DNAH7: variants seen among roughly 807,000 people sequenced by gnomAD.
The protein encoded by DNAH7 is dynein axonemal heavy chain 7.
In DNAH7, 397 loss-of-function variants were observed where a neutral mutation model predicts 444.6. The ratio of observed to expected loss-of-function variants is 0.89; its 90% CI spans 0.82 to 0.97. The LOEUF (loss-of-function observed/expected upper bound fraction) is 0.97. Among genes scored for constraint, DNAH7 ranks in the 50% least tolerant of loss-of-function variants. The probability of loss-of-function intolerance (pLI) is 0.00; values close to 1 mark genes in which losing one functional copy is unlikely to be tolerated. For missense variants in DNAH7, 4,902 were observed against 4,800.8 expected (o/e 1.02, Z -0.62); for synonymous variants, 1,636 against 1,624.4 (o/e 1.01, Z -0.17).
chr2:195,814,674 G>C (rs534750877), intron 51 of DNAH7, among the ~76,000 whole-genome samples: 1 of 152,282 alleles, frequency 6.6e-6, no homozygotes, highest in East Asian at 1.9e-4. Flanking sequence ...GACCAGTAGT[G>C]AAAAGCAGAG....
At position 195,926,313 on chromosome 2, in the gene DNAH7, A is replaced by G. The variant is rs546375946; in HGVS notation, c.3612+113T>C. The G allele has an allele frequency of 2.5e-4, 250 of 990,568 alleles. 1 individual carries two copies. In the East Asian group the frequency reaches 5.9e-3, roughly 23 times the overall value. 61.4% of individuals were successfully genotyped at this position (990,568 alleles called of 1,614,324 possible). A position where few individuals can be genotyped will look rare whatever the true frequency, so the allele number is the denominator to read the frequency against. Reference sequence around the variant, plus strand: ...AAATCTGTAATTTGGCTTGCAGCATAAAGTAGATTTTTAAGTGAACTGTAT... The same window carrying G: ...AAATCTGTAATTTGGCTTGCAGCATGAAGTAGATTTTTAAGTGAACTGTAT... On this transcript the variant is annotated intron_variant, in intron 22 of 64. Transcript: ENST00000312428.
intron 33 of DNAH7, among the ~76,000 whole-genome samples, chr2:195,887,026 T>C (rs184883884): frequency 4.7e-4 from 71 of 152,312 alleles, no homozygotes; most frequent in Non-Finnish European, 9.4e-4. Flanking sequence ...AGTGTGGGAC[T>C]AAGTATTACT....
In DNAH7 at chr2:196,047,516, A is replaced by C. The variant is rs1237695336; in HGVS notation, c.251-17T>G. On this transcript the variant is annotated splice_polypyrimidine_tract_variant and intron_variant, in intron 4 of 64. Coordinates refer to ENST00000312428, the MANE Select transcript of DNAH7 (RefSeq NM_018897.3). ...TGTATTCAGCTTAAATTAAAACAAAAAAAAAAGCACAATTATTCATCTAAA... is the reference window on the plus strand; with the variant it reads ...TGTATTCAGCTTAAATTAAAACAAACAAAAAAGCACAATTATTCATCTAAA... 1.3e-6 allele frequency: 2 copies of C among 1,522,418 alleles called. No individual in the cohort carries two copies. Among genetic ancestry groups the C allele is most frequent in the Non-Finnish European group, 1.8e-6 (2 of 1,132,748 alleles). The allele number at this position is 1,522,418 out of a possible 1,614,324, so 94.3% of individuals were successfully genotyped here. A position where few individuals can be genotyped will look rare whatever the true frequency, so the allele number is the denominator to read the frequency against.
intron 63 of DNAH7, among the ~76,000 whole-genome samples, chr2:195,746,426 TTA>T (rs1320730906): frequency 6.6e-6 from 1 of 152,068 alleles, no homozygotes; most frequent in Non-Finnish European, 1.5e-5. Flanking sequence ...ATTGTCAATA[TTA>T]GAGATCAACG....
chr2:195,787,098 G>A lies in DNAH7; in HGVS notation c.10790C>T (p.Pro3597Leu). Residue 3597 changes from proline (P) to leucine (L), a missense_variant, in exon 58 of 65, where the codon CCC (proline) becomes CTC (leucine). Coordinates refer to ENST00000312428, the MANE Select transcript of DNAH7 (RefSeq NM_018897.3). ...CTCATAAGGAATATTCCACCCTAGG[G>A]GTCCAAATTTCCGTCTTTCTTGTAC... ...ALVQERRKFG[P>L]LGWNIPYEFN... The A allele has an allele frequency of 1.9e-6, 3 of 1,612,092 alleles. No individual in the cohort carries two copies. In the South Asian group the frequency reaches 3.3e-5, roughly 18 times the overall value.
At chr2:195,921,656 G>T (rs1249913917) in intron 24 of DNAH7, among the ~76,000 whole-genome samples, 1 of 152,076 alleles carries the variant, frequency 6.6e-6, no homozygotes, top group Non-Finnish European at 1.5e-5. Flanking sequence ...CATTGCTCAG[G>T]TGATGGGTGC....
chr2:196,051,125 G>C (rs560058266), intron 3 of DNAH7, 62 bp downstream of exon 3: 2 of 1,470,586 alleles, frequency 1.4e-6, no homozygotes, highest in African/African-American at 1.4e-5. Flanking sequence ...TTTCAAGTTA[G>C]AAAACTAATA....
At chr2:195,809,352 T>C (rs1696853548) in intron 52 of DNAH7, among the ~76,000 whole-genome samples, 1 of 152,136 alleles carries the variant, frequency 6.6e-6, no homozygotes, top group South Asian at 2.1e-4. Flanking sequence ...CCATATAAAA[T>C]CCATAAATCT....
chr2:195,987,040 T>TA (rs769889597), intron 14 of DNAH7, 26 bp downstream of exon 14: 6 of 1,552,262 alleles, frequency 3.9e-6, no homozygotes, highest in South Asian at 2.5e-5. Context: ...TCCCAAAAAA[T>TA]AAAAAAACCA....
chr2:195,920,111 T>C (rs1033387635), intron 24 of DNAH7, among the ~76,000 whole-genome samples: 1 of 152,144 alleles, frequency 6.6e-6, no homozygotes, highest in Non-Finnish European at 1.5e-5. Flanking sequence ...CATGGATCAA[T>C]ATTGTGATAA....
At chr2:195,742,589 A>G (rs987470224) in intron 63 of DNAH7, among the ~76,000 whole-genome samples, 8 of 152,226 alleles carry the variant, frequency 5.3e-5, no homozygotes, top group African/African-American at 1.9e-4. Context: ...GAGGATATAG[A>G]TACATAGAAT....
rs57287164 is a variant in DNAH7 at position 195,884,707 on chromosome 2, T to C, written c.5641A>G (p.Ile1881Val). 1.2e-6 allele frequency: 2 copies of C among 1,614,194 alleles called. No individual in the cohort carries two copies. The highest frequency in any genetic ancestry group is 1.7e-6 in the Non-Finnish European group (2 of 1,180,014). The change falls in exon 35 of 65, where the codon ATT becomes GTT. Residue 1881 changes from isoleucine (I) to valine (V), a missense_variant. Ile to Val is a conservative substitution (Grantham distance 29, BLOSUM62 3). Transcript: ENST00000312428. ...KILRELMESP[I>V]SDRTRNTFKL... Reference sequence around the variant, plus strand: ...AACGTATTTCGAGTTCGATCTGAAATTGGACTTTCCATTAGTTCTCGAAGA... The same window carrying C: ...AACGTATTTCGAGTTCGATCTGAAACTGGACTTTCCATTAGTTCTCGAAGA...
At chr2:196,056,733 C>T (rs1316856294) in intron 2 of DNAH7, among the ~76,000 whole-genome samples, 1 of 152,180 alleles carries the variant, frequency 6.6e-6, no homozygotes, top group Non-Finnish European at 1.5e-5. Context: ...GTGGCCTTTC[C>T]TTCTTCCTAC....
In DNAH7 at chr2:195,872,393, T is replaced by C. The variant is rs761527346; in HGVS notation, c.6490A>G (p.Met2164Val). 3 of 1,613,820 alleles carry C rather than the reference T, an allele frequency of 1.9e-6. No individual in the cohort carries two copies. The highest frequency in any genetic ancestry group is 2.7e-5 in the African/African-American group (2 of 74,920). ...NGTMTLYKEAMKNLLPTPAKS... is the reference protein window; with the variant it reads ...NGTMTLYKEAVKNLLPTPAKS... The stretch of plus-strand genomic sequence containing the variant: ...GCTGGAGTAGGCAAGAGATTCTTCA[T>C]TGCTTCTTTATACAGAGTCATTGTG... The change falls in exon 40 of 65, where the codon ATG becomes GTG. Residue 2164 changes from methionine (M) to valine (V), a missense_variant. By Grantham distance (21) the Met-to-Val change is conservative. Coordinates refer to ENST00000312428, the MANE Select transcript of DNAH7 (RefSeq NM_018897.3).
intron 12 of DNAH7, among the ~76,000 whole-genome samples, chr2:195,991,191 G>C (rs1247268607): frequency 3.3e-5 from 5 of 151,614 alleles, no homozygotes; most frequent in Non-Finnish European, 7.4e-5. Flanking sequence ...ACAACACAAA[G>C]CTAAACTGAC....
rs547398337 is a variant in DNAH7 at position 196,067,984 on chromosome 2, T to C, written c.15+713A>G. 3.3e-5 allele frequency among the ~76,000 whole-genome samples: 5 copies of C among 152,286 alleles called. No homozygotes were observed. The East Asian group carries it at 9.6e-4, about 29-fold the overall frequency. On this transcript the variant is annotated intron_variant, in intron 1 of 64. Coordinates refer to ENST00000312428, the MANE Select transcript of DNAH7 (RefSeq NM_018897.3). ...GACTGACCATTGTTCTGCCTTTCTG[T>C]TAGTTGCTCTTAAGTTCAATAAAGA... is the stretch of plus-strand genomic sequence containing the variant.
At chr2:195,771,632 G>A in intron 61 of DNAH7, 28 bp downstream of exon 61, 1 of 1,503,656 alleles carries the variant, frequency 6.7e-7, no homozygotes, top group Non-Finnish European at 9.2e-7. Flanking sequence ...AATTTAATGG[G>A]GGTTTTTTTT....
At position 195,886,139 on chromosome 2, in the gene DNAH7, A is replaced by AC; in HGVS notation, c.5538+1dup. The AC allele has an allele frequency of 6.2e-7, 1 of 1,612,682 alleles. No individual in the cohort carries two copies. Reference sequence around the variant, plus strand: ...CAGGATACAGAAGGCAACGGACCTTACCTCAAGCAAAGAGTAAGTTTCTCG... The same window carrying AC: ...CAGGATACAGAAGGCAACGGACCTTACCCTCAAGCAAAGAGTAAGTTTCTCG... On this transcript the variant is annotated splice_donor_variant, in intron 34 of 64. Transcript: ENST00000312428. LOFTEE classifies it high-confidence loss of function.
At chr2:195,783,185 C>T (rs1695467760) in intron 58 of DNAH7, among the ~76,000 whole-genome samples, 1 of 152,204 alleles carries the variant, frequency 6.6e-6, no homozygotes, top group African/African-American at 2.4e-5. Context: ...TCATTTCAAT[C>T]CTTTCCCCTA....
Sources: allele counts gnomAD v4.1 joint callset (sites outside exome capture counted in the v4.1 genomes callset), GRCh38; gene constraint gnomAD v4.1.1; transcripts MANE v1.5; gene names NCBI Gene and HGNC (gene_info 2026-07-23, HGNC 2026-07-21).